POLDIP2: variants seen among roughly 807,000 people sequenced by gnomAD.
POLDIP2 encodes DNA polymerase delta interacting protein 2, also known as polymerase delta-interacting protein 2.
Under a neutral mutation model 52.9 loss-of-function variants are expected in POLDIP2, and 32 were observed. The ratio of observed to expected loss-of-function variants is 0.61; its 90% CI spans 0.46 to 0.81. POLDIP2 has a LOEUF of 0.81. POLDIP2 is among the 40% of genes least tolerant of loss of function. The pLI is 0.00. For missense variants in POLDIP2, 371 were observed against 477.3 expected (o/e 0.78, Z 2.07); for synonymous variants, 183 against 183.0 (o/e 1.00, Z 0.00).
intron 1 of POLDIP2, among the ~76,000 whole-genome samples, chr17:28,356,174 C>A (rs1908020192): frequency 6.6e-6 from 1 of 151,858 alleles, no homozygotes; most frequent in Non-Finnish European, 1.5e-5. Context: ...TCTTCCCTAA[C>A]CCACCCTCCT....
intron 10 of POLDIP2, 132 bp from the exon 11 acceptor site, chr17:28,348,363 G>A: frequency 3.2e-6 from 2 of 618,886 alleles, no homozygotes; most frequent in Non-Finnish European, 5.8e-6. Flanking sequence ...TCTAGCTCAT[G>A]ACAGGATGAC....
In POLDIP2 at chr17:28,357,452, C is replaced by A; in HGVS notation, c.-4G>T. On this transcript the variant is annotated 5_prime_UTR_variant, in exon 1 of 11. Coordinates refer to ENST00000540200, the MANE Select transcript of POLDIP2 (RefSeq NM_015584.5). The stretch of plus-strand genomic sequence containing the variant: ...GCCGGGCTGTACAGGCTGCCATGTC[C>A]CGCCCGAGCGCCCGCCCGGCTGCTG... The A allele has an allele frequency of 6.9e-7, 1 of 1,438,876 alleles. No homozygotes were observed. The highest frequency in any genetic ancestry group is 1.5e-5 in the African/African-American group (1 of 66,744). The allele number at this position is 1,438,876 out of a possible 1,614,324, so 89.1% of individuals were successfully genotyped here. A position where few individuals can be genotyped will look rare whatever the true frequency, so the allele number is the denominator to read the frequency against.
chr17:28,356,426 CA>C (rs1355130643), intron 1 of POLDIP2, among the ~76,000 whole-genome samples: 3 of 152,066 alleles, frequency 2.0e-5, no homozygotes, highest in Admixed American at 2.0e-4. Flanking sequence ...AAGAGGTGCT[CA>C]AAAAATATTT....
At chr17:28,355,568 T>C (rs782726463) in intron 2 of POLDIP2, among the ~76,000 whole-genome samples, 1 of 151,928 alleles carries the variant, frequency 6.6e-6, no homozygotes, top group African/African-American at 2.4e-5. Context: ...GACCATGCCA[T>C]TGCACTCCAG....
At chr17:28,354,389 G>A in intron 3 of POLDIP2, 99 bp downstream of exon 3, 1 of 821,468 alleles carries the variant, frequency 1.2e-6, no homozygotes. Flanking sequence ...ATGTTTCCAA[G>A]GCCTAGGAGG....
chr17:28,350,648 A>G, intron 8 of POLDIP2, 85 bp from the exon 9 acceptor site: 1 of 1,572,328 alleles, frequency 6.4e-7, no homozygotes, highest in East Asian at 2.3e-5. Flanking sequence ...AAAAGTCAAC[A>G]AAGCTGACAC....
At chr17:28,357,152 C>T in intron 1 of POLDIP2, 136 bp downstream of exon 1, 1 of 850,926 alleles carries the variant, frequency 1.2e-6, no homozygotes, top group African/African-American at 1.8e-5. Context: ...CAGGTCGGCT[C>T]CCTGCTCGGG....
In POLDIP2 at chr17:28,357,476, T is replaced by C; in HGVS notation, c.-28A>G. The C allele has an allele frequency of 1.4e-6, 2 of 1,429,006 alleles. No individual in the cohort carries two copies. The highest frequency in any genetic ancestry group is 3.1e-5 in the Admixed American group (1 of 32,596). The allele number at this position is 1,429,006 out of a possible 1,614,324, so 88.5% of individuals were successfully genotyped here. A position where few individuals can be genotyped will look rare whatever the true frequency, so the allele number is the denominator to read the frequency against. On this transcript the variant is annotated 5_prime_UTR_variant, in exon 1 of 11. Transcript: ENST00000540200. ...CCCGCCCGAGCGCCCGCCCGGCTGC[T>C]GACACAGAGCCCGACCCGCGGCCGG...
At chr17:28,349,250 C>G (rs1907704915) in intron 9 of POLDIP2, 88 bp from the exon 10 acceptor site, 4 of 894,682 alleles carry the variant, frequency 4.5e-6, no homozygotes, top group Non-Finnish European at 5.3e-6. Context: ...GCCAGTTCAT[C>G]AAGACTGGAT....
Position 28,349,080 on chromosome 17 carries a change from C to T in POLDIP2, c.992+3G>A. The T allele has an allele frequency of 1.9e-6, 3 of 1,607,108 alleles. No individual in the cohort carries two copies. The highest frequency in any genetic ancestry group is 2.6e-6 in the Non-Finnish European group (3 of 1,174,204). ...GCCCCTACTGCTGTGCACACTCACT[C>T]ACCACATGTGCCCACTGGAAGCCTG... On this transcript the variant is annotated splice_donor_region_variant and intron_variant, in intron 10 of 10. Coordinates refer to ENST00000540200, the MANE Select transcript of POLDIP2 (RefSeq NM_015584.5).
intron 6 of POLDIP2, 88 bp from the exon 7 acceptor site, chr17:28,351,888 C>T: frequency 7.9e-7 from 1 of 1,260,480 alleles, no homozygotes; most frequent in Non-Finnish European, 1.2e-6. Context: ...AGTGCGATTG[C>T]CCCTCCTAGA....
At chr17:28,349,576 T>G (rs546394643) in intron 9 of POLDIP2, among the ~76,000 whole-genome samples, 1 of 151,338 alleles carries the variant, frequency 6.6e-6, no homozygotes, top group South Asian at 2.1e-4. Context: ...AAAAGTAAAC[T>G]ATGGTCGCAC....
chr17:28,350,500 A>T lies in POLDIP2; in HGVS notation c.850T>A (p.Trp284Arg), dbSNP rs1907754609. The change falls in exon 9 of 11, where the codon TGG becomes AGG. Residue 284 changes from tryptophan to arginine, a missense_variant. Physicochemically the swap from Trp to Arg is moderately radical, Grantham distance 101 (BLOSUM62 -3). Coordinates refer to ENST00000540200, the MANE Select transcript of POLDIP2 (RefSeq NM_015584.5). The part of the protein sequence containing the change: ...SDVVQLRERH[W>R]RIFSLSGTLE... The stretch of plus-strand genomic sequence containing the variant: ...GTGCCAGAGAGACTGAATATCCTCC[A>T]GTGCCGCTCCCGGAGCTGTACCACA... 6.2e-7 allele frequency: 1 copy of T among 1,613,388 alleles called. No homozygotes were observed. The highest frequency in any genetic ancestry group is 1.7e-5 in the Admixed American group (1 of 59,940).
chr17:28,347,122 C>T lies in POLDIP2; in HGVS notation c.*995G>A, dbSNP rs556280094. On this transcript the variant is annotated 3_prime_UTR_variant, in exon 11 of 11. Coordinates refer to ENST00000540200, the MANE Select transcript of POLDIP2 (RefSeq NM_015584.5). ...TTGTGTTCTAGCCAGGTCGTAAGCG[C>T]GACTGTACTGTTGCCCTGCAACCCC... 3.3e-5 allele frequency: 5 copies of T among 149,692 alleles called. No homozygotes were observed. Among genetic ancestry groups the T allele is most frequent in the South Asian group, 4.3e-4 (2 of 4,608 alleles). The allele number at this position is 149,692 out of a possible 1,614,324, so 9.3% of individuals were successfully genotyped here. A position where few individuals can be genotyped will look rare whatever the true frequency, so the allele number is the denominator to read the frequency against.
At chr17:28,357,219 GCACT>G in intron 1 of POLDIP2, 65 bp downstream of exon 1, 1 of 1,414,988 alleles carries the variant, frequency 7.1e-7, no homozygotes, top group Non-Finnish European at 9.3e-7. Context: ...CCTGGCCTCC[GCACT>G]GGCTAGGAAC....
At chr17:28,352,031 C>T (rs1597800356) in intron 6 of POLDIP2, among the ~76,000 whole-genome samples, 1 of 152,056 alleles carries the variant, frequency 6.6e-6, no homozygotes, top group South Asian at 2.1e-4. Flanking sequence ...GGAAAACAAT[C>T]GGACTGGCAG....
chr17:28,353,113 G>C (rs528657461), intron 5 of POLDIP2, 94 bp from the exon 6 acceptor site: 2 of 749,710 alleles, frequency 2.7e-6, no homozygotes, highest in African/African-American at 3.4e-5. Flanking sequence ...TTCCAGTATG[G>C]GATAACCCTG....
intron 4 of POLDIP2, among the ~76,000 whole-genome samples, 176 bp from the exon 5 acceptor site, chr17:28,353,492 A>G (rs1555580408): frequency 7.3e-6 from 1 of 137,538 alleles, no homozygotes; most frequent in African/African-American, 2.8e-5. Context: ...ACTGCACTCC[A>G]GCCTGGCGAC....
chr17:28,349,459 C>CAA lies in POLDIP2; in HGVS notation c.913-299_913-298dup, dbSNP rs11357551. 5.5e-4 allele frequency among the ~76,000 whole-genome samples: 40 copies of CAA among 73,328 alleles called. 1 individual carries two copies. The highest frequency in any genetic ancestry group is 1.5e-3 in the South Asian group (3 of 1,966). 48.1% of individuals were successfully genotyped at this position (73,328 alleles called of 152,430 possible). A position where few individuals can be genotyped will look rare whatever the true frequency, so the allele number is the denominator to read the frequency against. ...GGAACACAGTGAGACCCCATCTCCA[C>CAA]AAAAAAAAAAAAAAAAAAAAAAAAA... On this transcript the variant is annotated intron_variant, in intron 9 of 10. Coordinates refer to ENST00000540200, the MANE Select transcript of POLDIP2 (RefSeq NM_015584.5).
Sources: gnomAD v4.1 joint callset for allele counts (sites outside exome capture counted in the v4.1 genomes callset) on GRCh38, gnomAD v4.1.1 for gene constraint, MANE v1.5 for transcripts, NCBI Gene and HGNC (gene_info 2026-07-23, HGNC 2026-07-21) for gene names.